Variants in CFAP221 observed in about 807,000 individuals in gnomAD.
CFAP221 encodes the protein cilia- and flagella-associated protein 221.
Under a neutral mutation model 113.1 loss-of-function variants are expected in CFAP221, and 97 were observed. That is an observed-to-expected ratio of 0.86 (90% CI 0.73 to 1.02). The LOEUF (loss-of-function observed/expected upper bound fraction) is 1.02. CFAP221 is among the 50% of genes least tolerant of loss of function. The pLI is 0.00. For synonymous variants in CFAP221, 331 were observed against 354.4 expected, an observed-to-expected ratio of 0.93 and a Z score of 0.74; for missense variants, 1,025 against 1,013.4, an observed-to-expected ratio of 1.01 and a Z score of -0.16.
At chr2:119,610,672 C>T (rs978904189) in intron 12 of CFAP221, among the ~76,000 whole-genome samples, 3 of 152,128 alleles carry the variant, frequency 2.0e-5, no homozygotes, top group African/African-American at 7.2e-5. Flanking sequence ...AGCTAGGCAG[C>T]TCACCACCCT....
chr2:119,602,430 T>G (rs972064973), intron 8 of CFAP221, among the ~76,000 whole-genome samples: 2 of 152,174 alleles, frequency 1.3e-5, no homozygotes, highest in Admixed American at 6.5e-5. Flanking sequence ...CTTAGAAGAT[T>G]CTGACAATTA....
At chr2:119,622,864 T>C (rs1289857930) in intron 14 of CFAP221, among the ~76,000 whole-genome samples, 1 of 152,196 alleles carries the variant, frequency 6.6e-6, no homozygotes, top group Admixed American at 6.5e-5. Context: ...TGATGGAACG[T>C]ATCTCAAAAT....
At chr2:119,548,012 G>A (rs1306611921) in intron 2 of CFAP221, among the ~76,000 whole-genome samples, 1 of 152,094 alleles carries the variant, frequency 6.6e-6, no homozygotes, top group Admixed American at 6.5e-5. Flanking sequence ...TGTCCAGGCT[G>A]GAGAGCAGTG....
At chr2:119,596,957 ACGCTCAT>A (rs1684024206) in intron 7 of CFAP221, among the ~76,000 whole-genome samples, 1 of 152,172 alleles carries the variant, frequency 6.6e-6, no homozygotes, top group South Asian at 2.1e-4. Context: ...GTGCTTTGGG[ACGCTCAT>A]CCCAGTGATT....
In CFAP221 at chr2:119,601,094, T is replaced by TG. The variant is rs981749204; in HGVS notation, c.632-120dup. The stretch of plus-strand genomic sequence containing the variant: ...AGTTATGTGTGGATTTTCAATTGTG[T>TG]GGGGAGTCAGTGCCCCTAATCTCCA... On this transcript the variant is annotated intron_variant, in intron 7 of 23. Transcript: ENST00000413369. 3.1e-6 allele frequency: 3 copies of TG among 967,220 alleles called. No individual in the cohort carries two copies. The African/African-American group carries it at 4.9e-5, about 16-fold the overall frequency. The allele number at this position is 967,220 out of a possible 1,614,324, so 59.9% of individuals were successfully genotyped here.
At position 119,582,943 on chromosome 2, in the gene CFAP221, T is replaced by C. The variant is rs949588038; in HGVS notation, c.528-4176T>C. On this transcript the variant is annotated intron_variant, in intron 6 of 23. Transcript: ENST00000413369. ...TACAAAACAAGGTGGTAGAAATAAG[T>C]TCAAATATATCTATTATTAATTGTA... Among the ~76,000 whole-genome samples, 4 of 152,218 alleles carry C rather than the reference T, an allele frequency of 2.6e-5. No homozygotes were observed. The East Asian group carries it at 7.7e-4, about 29-fold the overall frequency.
chr2:119,568,365 C>G (rs1231932816), intron 6 of CFAP221, among the ~76,000 whole-genome samples: 1 of 151,960 alleles, frequency 6.6e-6, no homozygotes, highest in Non-Finnish European at 1.5e-5. Flanking sequence ...GATACATGTG[C>G]AGGATGTGCA....
At chr2:119,580,315 C>T (rs556564863) in intron 6 of CFAP221, 9 of 152,300 alleles carry the variant, frequency 5.9e-5, no homozygotes, top group Admixed American at 3.3e-4. Context: ...ATACACTGTA[C>T]GGTGACCCTT....
intron 6 of CFAP221, among the ~76,000 whole-genome samples, chr2:119,577,435 G>A (rs1357969160): frequency 6.6e-6 from 1 of 152,156 alleles, no homozygotes; most frequent in Non-Finnish European, 1.5e-5. Flanking sequence ...GGCACAGAGG[G>A]ATCAGTTTCA....
chr2:119,574,031 C>A (rs76107300), intron 6 of CFAP221, among the ~76,000 whole-genome samples: 1 of 152,272 alleles, frequency 6.6e-6, no homozygotes, highest in African/African-American at 2.4e-5. Context: ...ATGTTAAATT[C>A]TAGACTTGTG....
chr2:119,595,927 C>T (rs1293329243), intron 7 of CFAP221, among the ~76,000 whole-genome samples: 1 of 151,882 alleles, frequency 6.6e-6, no homozygotes, highest in Non-Finnish European at 1.5e-5. Context: ...AAGGCTGGAA[C>T]AGGCTCGGCA....
At chr2:119,545,465 C>T (rs981173284) in intron 1 of CFAP221, among the ~76,000 whole-genome samples, 1 of 152,156 alleles carries the variant, frequency 6.6e-6, no homozygotes, top group African/African-American at 2.4e-5. Flanking sequence ...GAAGGCAAAT[C>T]GGACACAGGG....
Position 119,601,251 on chromosome 2 carries a change from C to A in CFAP221, c.665C>A (p.Thr222Asn), listed in dbSNP as rs1009119075. 3.3e-6 allele frequency: 5 copies of A among 1,531,814 alleles called. No homozygotes were observed. The highest frequency in any genetic ancestry group is 4.4e-6 in the Non-Finnish European group (5 of 1,144,400). The allele number at this position is 1,531,814 out of a possible 1,614,324, so 94.9% of individuals were successfully genotyped here. A position where few individuals can be genotyped will look rare whatever the true frequency, so the allele number is the denominator to read the frequency against. Residue 222 changes from threonine (T) to asparagine (N), a missense_variant, in exon 8 of 24, where the codon ACT becomes AAT. By Grantham distance (65) the Thr-to-Asn change is moderately conservative. Coordinates refer to ENST00000413369, the MANE Select transcript of CFAP221 (RefSeq NM_001271049.2). ...CCGGCTAATGGGAAGATGACTGTGA[C>A]TATTAAGTTTACACCCTTTCAGTAT... ...IIPANGKMTV[T>N]IKFTPFQYGT...
intron 19 of CFAP221, among the ~76,000 whole-genome samples, chr2:119,636,228 T>C (rs1414225659): frequency 6.6e-6 from 1 of 152,182 alleles, no homozygotes; most frequent in Non-Finnish European, 1.5e-5. Context: ...ACTTATTAGT[T>C]TTCAACTTTT....
chr2:119,650,520 A>G (rs1279926543), intron 22 of CFAP221, among the ~76,000 whole-genome samples: 1 of 152,186 alleles, frequency 6.6e-6, no homozygotes, highest in Non-Finnish European at 1.5e-5. Flanking sequence ...CCGTTTCCTC[A>G]TCTTTGAAAT....
chr2:119,640,596 G>T (rs1687425729), intron 21 of CFAP221, among the ~76,000 whole-genome samples: 1 of 152,160 alleles, frequency 6.6e-6, no homozygotes, highest in South Asian at 2.1e-4. Context: ...GTGAGTGATT[G>T]GTGAACAGAT....
chr2:119,645,519 G>A (rs989119281), intron 21 of CFAP221, among the ~76,000 whole-genome samples: 2 of 150,432 alleles, frequency 1.3e-5, no homozygotes, highest in African/African-American at 4.9e-5. Context: ...TCTCCAGAAA[G>A]TCATTCTATA....
chr2:119,620,037 G>C (rs1685794471), intron 14 of CFAP221, among the ~76,000 whole-genome samples: 2 of 152,062 alleles, frequency 1.3e-5, no homozygotes, highest in African/African-American at 4.8e-5. Context: ...GACAAGATTA[G>C]AGAAAAAAGA....
intron 7 of CFAP221, among the ~76,000 whole-genome samples, chr2:119,597,351 G>T (rs554453744): frequency 6.6e-6 from 1 of 152,164 alleles, no homozygotes; most frequent in Non-Finnish European, 1.5e-5. Context: ...AGCAGCAGAG[G>T]CTGGGGAGTG....
Sources: gnomAD v4.1 joint callset for allele counts (sites outside exome capture counted in the v4.1 genomes callset) on GRCh38, gnomAD v4.1.1 for gene constraint, MANE v1.5 for transcripts, NCBI Gene and HGNC (gene_info 2026-07-23, HGNC 2026-07-21) for gene names.